Variants in CUX1 observed in about 807,000 individuals in gnomAD.
The protein encoded by CUX1 is protein CASP.
Under a neutral mutation model 158.8 loss-of-function variants are expected in CUX1, and 31 were observed. The ratio of observed to expected loss-of-function variants is 0.20; its 90% CI spans 0.15 to 0.26. The LOEUF (loss-of-function observed/expected upper bound fraction) is 0.26, where lower values mean the gene tolerates loss of function less well. Ranked by LOEUF, CUX1 falls within the 10% of genes least tolerant of loss-of-function variation. The pLI is 1.00. For missense variants in CUX1, 1,589 were observed against 2,014.6 expected, an observed-to-expected ratio of 0.79 and a Z score of 4.04; for synonymous variants, 879 against 862.1, an observed-to-expected ratio of 1.02 and a Z score of -0.34.
Position 102,205,181 on chromosome 7 carries a change from A to G in CUX1, c.3130+11A>G. The stretch of plus-strand genomic sequence containing the variant: ...GCTGTGTGAGCTCAGGTAAGCAGCC[A>G]GTTTCTGTTGCTTTTGCATGAAATG... On this transcript the variant is annotated intron_variant, in intron 20 of 23. Coordinates refer to ENST00000292535, the MANE Select transcript of CUX1 (RefSeq NM_181552.4). 5 of 1,600,606 alleles carry G rather than the reference A, an allele frequency of 3.1e-6. No homozygotes were observed. Among genetic ancestry groups the G allele is most frequent in the Non-Finnish European group, 4.3e-6 (5 of 1,168,694 alleles).
At chr7:101,990,176 T>C (rs931601828) in intron 2 of CUX1, among the ~76,000 whole-genome samples, 5 of 151,448 alleles carry the variant, frequency 3.3e-5, no homozygotes, top group African/African-American at 1.2e-4. Flanking sequence ...CTGGACAACA[T>C]GGTAAGACCC....
intron 14 of CUX1, among the ~76,000 whole-genome samples, chr7:102,268,001 C>T (rs1175451737): frequency 5.9e-5 from 9 of 152,250 alleles, no homozygotes; most frequent in African/African-American, 1.4e-4. Flanking sequence ...TGCTTTGATT[C>T]CCTCCTCCCC....
intron 1 of CUX1, among the ~76,000 whole-genome samples, chr7:101,890,234 A>G (rs1800729662): frequency 6.6e-6 from 1 of 152,136 alleles, no homozygotes; most frequent in Admixed American, 6.5e-5. Flanking sequence ...AGATTCAAAG[A>G]ATAGGGGGGC....
intron 1 of CUX1, among the ~76,000 whole-genome samples, chr7:101,906,728 CT>C (rs1489572725): frequency 6.6e-6 from 1 of 152,200 alleles, no homozygotes; most frequent in Non-Finnish European, 1.5e-5. Context: ...GTATCTCCAG[CT>C]TTCCTGCTTT....
chr7:102,193,744 G>C, intron 12 of CUX1, 98 bp from the exon 13 acceptor site: 2 of 1,254,648 alleles, frequency 1.6e-6, no homozygotes, highest in Non-Finnish European at 2.2e-6. Flanking sequence ...AGAGGTTGCA[G>C]TGAGCCAATA....
intron 10 of CUX1, among the ~76,000 whole-genome samples, chr7:102,177,638 A>G (rs994532122): frequency 9.2e-5 from 14 of 151,384 alleles, no homozygotes; most frequent in Admixed American, 8.6e-4. Context: ...CTCTTCCCCA[A>G]CGCTCAGCAG....
chr7:101,989,950 C>T (rs1275118420), intron 2 of CUX1, among the ~76,000 whole-genome samples: 1 of 152,256 alleles, frequency 6.6e-6, no homozygotes, highest in East Asian at 1.9e-4. Flanking sequence ...TGGGAAACCA[C>T]TTTAAATGAA....
chr7:102,180,331 T>C (rs901929700), intron 11 of CUX1, among the ~76,000 whole-genome samples: 5 of 150,270 alleles, frequency 3.3e-5, no homozygotes, highest in African/African-American at 1.2e-4. Flanking sequence ...TTTTTTTTTT[T>C]TTTGAAACGG....
chr7:102,271,074 C>T (rs1350541188), intron 14 of CUX1, among the ~76,000 whole-genome samples: 7 of 152,254 alleles, frequency 4.6e-5, no homozygotes, highest in African/African-American at 1.7e-4. Flanking sequence ...GGAATCATCT[C>T]AGCAGCTTTT....
At chr7:101,930,152 AT>A (rs1417502216) in intron 2 of CUX1, among the ~76,000 whole-genome samples, 1 of 152,170 alleles carries the variant, frequency 6.6e-6, no homozygotes, top group Non-Finnish European at 1.5e-5. Flanking sequence ...CAGAAGCCAA[AT>A]TTTTAGTCAC....
At chr7:101,969,360 A>AAAAAAAAAAAAAAAAAAAAAAAAC (rs1811652132) in intron 2 of CUX1, among the ~76,000 whole-genome samples, 7 of 13,586 alleles carry the variant, frequency 5.2e-4, no homozygotes, top group Non-Finnish European at 1.7e-3. Context: ...AAAAAACAGC[A>AAAAAAAAAAAAAAAAAAAAAAAAC]AAAAAAAAAA....
intron 4 of CUX1, among the ~76,000 whole-genome samples, chr7:102,070,697 C>A (rs944254554): frequency 6.6e-6 from 1 of 152,142 alleles, no homozygotes; most frequent in African/African-American, 2.4e-5. Context: ...AGCATAAAAC[C>A]CTGCACGTAC....
intron 17 of CUX1, chr7:102,275,435 A>T: frequency 8.2e-7 from 1 of 1,221,852 alleles, no homozygotes; most frequent in South Asian, 1.3e-5. Context: ...CTTTCAGGAG[A>T]GAGATGTGGC....
At chr7:102,199,770 A>T (rs1795205282) in intron 16 of CUX1, among the ~76,000 whole-genome samples, 1 of 152,188 alleles carries the variant, frequency 6.6e-6, no homozygotes, top group Non-Finnish European at 1.5e-5. Flanking sequence ...ATTGCCTTTT[A>T]ATCACTCGCC....
At chr7:101,883,215 A>G (rs1799894667) in intron 1 of CUX1, among the ~76,000 whole-genome samples, 1 of 152,152 alleles carries the variant, frequency 6.6e-6, no homozygotes, top group Admixed American at 6.5e-5. Context: ...TTATTCTTTT[A>G]AAAAATGAAG....
intron 20 of CUX1, among the ~76,000 whole-genome samples, chr7:102,211,964 A>G (rs1392934799): frequency 6.6e-6 from 1 of 152,124 alleles, no homozygotes; most frequent in Non-Finnish European, 1.5e-5. Flanking sequence ...GAGGAAGGGC[A>G]CATGCGCTTC....
intron 1 of CUX1, among the ~76,000 whole-genome samples, chr7:101,880,925 T>C (rs1799638666): frequency 6.6e-6 from 1 of 152,146 alleles, no homozygotes; most frequent in Non-Finnish European, 1.5e-5. Context: ...CTAAGAGCAA[T>C]TTTTAAAAGA....
intron 8 of CUX1, among the ~76,000 whole-genome samples, chr7:102,121,630 G>C (rs190931591): frequency 3.0e-4 from 46 of 152,314 alleles, no homozygotes; most frequent in Middle Eastern, 3.4e-3. Context: ...ACAGGTGTGA[G>C]CAGCTGGGAT....
chr7:101,958,717 C>T (rs1810078271), intron 2 of CUX1, among the ~76,000 whole-genome samples: 1 of 151,556 alleles, frequency 6.6e-6, no homozygotes, highest in Non-Finnish European at 1.5e-5. Context: ...TGGGCTTAAG[C>T]AGTCTGCCCA....
Sources: gnomAD v4.1 joint callset for allele counts (sites outside exome capture counted in the v4.1 genomes callset) on GRCh38, gnomAD v4.1.1 for gene constraint, MANE v1.5 for transcripts, NCBI Gene and HGNC (gene_info 2026-07-23, HGNC 2026-07-21) for gene names.